OSBPL9: variants seen among roughly 807,000 people sequenced by gnomAD.
OSBPL9 encodes the protein oxysterol-binding protein-related protein 9.
In OSBPL9, 40 loss-of-function variants were observed where a neutral mutation model predicts 106.6. The observed-to-expected ratio is 0.38, with a 90% CI of 0.29 to 0.49. The LOEUF is 0.49. OSBPL9 is among the 20% of genes least tolerant of loss of function. OSBPL9 has a pLI of 0.97. For missense variants in OSBPL9, 609 were observed against 887.2 expected, an observed-to-expected ratio of 0.69 and a Z score of 3.98; for synonymous variants, 269 against 295.4, an observed-to-expected ratio of 0.91 and a Z score of 0.92.
chr1:51,789,135 T>G lies in OSBPL9; in HGVS notation c.*1346T>G. 1.8e-6 allele frequency: 2 copies of G among 1,128,236 alleles called. No homozygotes were observed. The highest frequency in any genetic ancestry group is 4.9e-5 in the East Asian group (2 of 41,214). 69.9% of individuals were successfully genotyped at this position (1,128,236 alleles called of 1,614,324 possible). ...AATGCTATGATGCCAGTGCAAAACT[T>G]CAATGGAAGCCCTAAGGCAGTAGTA... On this transcript the variant is annotated 3_prime_UTR_variant, in exon 24 of 24. Coordinates refer to ENST00000428468, the MANE Select transcript of OSBPL9 (RefSeq NM_024586.6).
At position 51,754,436 on chromosome 1, in the gene OSBPL9, AAGAT is replaced by A. The variant is rs1402494083; in HGVS notation, c.544-1880_544-1877del. Among the ~76,000 whole-genome samples the A allele has an allele frequency of 5.3e-5, 8 of 152,334 alleles. No individual in the cohort carries two copies. The East Asian group carries it at 1.4e-3, about 26-fold the overall frequency. On this transcript the variant is annotated intron_variant, in intron 8 of 23. Transcript: ENST00000428468. The stretch of plus-strand genomic sequence containing the variant: ...CTTTAAATGGTCATTCTTACAGGCA[AAGAT>A]AGAGACTATTAACATTTTTCAAGGT...
intron 2 of OSBPL9, among the ~76,000 whole-genome samples, chr1:51,604,321 C>T (rs564687925): frequency 3.4e-4 from 52 of 152,008 alleles, no homozygotes; most frequent in Non-Finnish European, 6.5e-4. Context: ...TTTGGGAGAC[C>T]GAGGTGGGTG....
intron 20 of OSBPL9, chr1:51,785,484 T>C: frequency 3.6e-6 from 1 of 275,652 alleles, no homozygotes; most frequent in Non-Finnish European, 6.8e-6. Context: ...CCACCTAGAA[T>C]TTCAATGGTG....
chr1:51,545,584 G>C, the OSBPL9 span, among the ~76,000 whole-genome samples: 1 of 152,242 alleles, frequency 6.6e-6, no homozygotes, highest in Admixed American at 6.5e-5. Flanking sequence ...TTCAAGACAA[G>C]CACCATAGCA....
chr1:51,661,943 A>G (rs1347685596), intron 2 of OSBPL9, among the ~76,000 whole-genome samples: 1 of 152,186 alleles, frequency 6.6e-6, no homozygotes, highest in East Asian at 1.9e-4. Context: ...AGGGCCTTGT[A>G]GGCTAGGCTG....
intron 1 of OSBPL9, among the ~76,000 whole-genome samples, chr1:51,649,760 C>CTTTTTTTTTTTT (rs1646397185): frequency 9.6e-6 from 1 of 103,968 alleles, no homozygotes; most frequent in Non-Finnish European, 1.9e-5. Context: ...TTTTTTTTTA[C>CTTTTTTTTTTTT]ATTTTGCAAG....
At chr1:51,777,048 T>C in intron 15 of OSBPL9, 130 bp downstream of exon 15, 1 of 742,554 alleles carries the variant, frequency 1.3e-6, no homozygotes, top group Non-Finnish European at 2.3e-6. Context: ...TGGTATTGAA[T>C]AATGTGTTTA....
At chr1:51,600,254 A>G (rs1313202077) in intron 2 of OSBPL9, among the ~76,000 whole-genome samples, 1 of 152,160 alleles carries the variant, frequency 6.6e-6, no homozygotes, top group African/African-American at 2.4e-5. Flanking sequence ...GCACTAAGAG[A>G]GATATAAAAG....
the OSBPL9 span, among the ~76,000 whole-genome samples, chr1:51,546,008 T>G: frequency 6.6e-6 from 1 of 152,138 alleles, no homozygotes; most frequent in Non-Finnish European, 1.5e-5. Context: ...AAACTTCAAA[T>G]GCACAGACTG....
chr1:51,721,644 A>G lies in OSBPL9; in HGVS notation c.318+7565A>G, dbSNP rs537795847. On this transcript the variant is annotated intron_variant, in intron 4 of 23. Coordinates refer to ENST00000428468, the MANE Select transcript of OSBPL9 (RefSeq NM_024586.6). ...TTTTTCTTGAACTACTTCACTGAAG[A>G]TTAGCTTTTTGAGCATCCATTTTAA... Among the ~76,000 whole-genome samples the G allele has an allele frequency of 2.6e-3, 390 of 152,320 alleles. 1 individual carries two copies. The highest frequency in any genetic ancestry group is 9.1e-3 in the African/African-American group (380 of 41,562).
chr1:51,689,552 C>T (rs910355123), intron 3 of OSBPL9, among the ~76,000 whole-genome samples: 1 of 152,036 alleles, frequency 6.6e-6, no homozygotes, highest in Non-Finnish European at 1.5e-5. Flanking sequence ...TCTTTTCTTC[C>T]CCAGAATATG....
At chr1:51,585,003 T>C (rs1299284412) in intron 1 of OSBPL9, among the ~76,000 whole-genome samples, 1 of 152,060 alleles carries the variant, frequency 6.6e-6, no homozygotes, top group Non-Finnish European at 1.5e-5. Context: ...TGGAGGGTGC[T>C]AAGCACTACT....
At chr1:51,589,240 C>T (rs1045065735) in intron 1 of OSBPL9, among the ~76,000 whole-genome samples, 1 of 152,126 alleles carries the variant, frequency 6.6e-6, no homozygotes, top group Non-Finnish European at 1.5e-5. Flanking sequence ...AGGTGCACGC[C>T]ACCATGCACA....
At chr1:51,728,769 C>T (rs897247210) in intron 4 of OSBPL9, among the ~76,000 whole-genome samples, 1 of 152,152 alleles carries the variant, frequency 6.6e-6, no homozygotes, top group African/African-American at 2.4e-5. Flanking sequence ...CCCGCCTCTC[C>T]CAGCCTCCGC....
intron 1 of OSBPL9, among the ~76,000 whole-genome samples, chr1:51,631,672 C>A (rs971946010): frequency 6.6e-6 from 1 of 152,230 alleles, no homozygotes; most frequent in Admixed American, 6.5e-5. Flanking sequence ...CTCCTCTAAT[C>A]TCCTAGCCTG....
chr1:51,656,708 G>A (rs1646839862), intron 2 of OSBPL9, among the ~76,000 whole-genome samples: 1 of 148,634 alleles, frequency 6.7e-6, no homozygotes, highest in African/African-American at 2.5e-5. Context: ...TACCCAGGCT[G>A]GAGTGCAATG....
chr1:51,532,033 A>G, the OSBPL9 span, among the ~76,000 whole-genome samples: 1 of 152,228 alleles, frequency 6.6e-6, no homozygotes, highest in South Asian at 2.1e-4. Flanking sequence ...TCAAAGAGCT[A>G]GTTAGATGAG....
the OSBPL9 span, among the ~76,000 whole-genome samples, chr1:51,528,475 C>T: frequency 1.3e-4 from 20 of 151,868 alleles, no homozygotes; most frequent in East Asian, 5.8e-4. Flanking sequence ...GCCCAGGAGG[C>T]GGAGGTTGCA....
chr1:51,770,797 G>A (rs1673694630), intron 12 of OSBPL9, among the ~76,000 whole-genome samples: 1 of 152,156 alleles, frequency 6.6e-6, no homozygotes. Flanking sequence ...TCTAATTTTA[G>A]AATATCCTAA....
Sources: gnomAD v4.1 joint callset for allele counts (sites outside exome capture counted in the v4.1 genomes callset) on GRCh38, gnomAD v4.1.1 for gene constraint, MANE v1.5 for transcripts, NCBI Gene and HGNC (gene_info 2026-07-23, HGNC 2026-07-21) for gene names.